GPC6: variants seen among roughly 807,000 people sequenced by gnomAD.
The protein encoded by GPC6 is glypican 6, also known as glypican-6.
GPC6 carries 14 observed loss-of-function variants against 55.2 expected under a neutral mutation model. That is an observed-to-expected ratio of 0.25 (90% confidence interval 0.17 to 0.40). GPC6 has a LOEUF of 0.40. Ranked by LOEUF, GPC6 falls within the 10% of genes least tolerant of loss-of-function variation. The probability of loss-of-function intolerance (pLI) is 1.00; values close to 1 mark genes in which losing one functional copy is unlikely to be tolerated. For missense variants in GPC6, 641 were observed against 708.5 expected (o/e 0.90, Z 1.08); for synonymous variants, 278 against 259.6 (o/e 1.07, Z -0.68).
chr13:93,977,789 A>T (rs748721443), intron 3 of GPC6, among the ~76,000 whole-genome samples: 4 of 152,098 alleles, frequency 2.6e-5, no homozygotes, highest in Non-Finnish European at 5.9e-5. Flanking sequence ...TGACTTGTAG[A>T]CAATTCCCTG....
chr13:93,548,215 G>T (rs184554669), intron 2 of GPC6, among the ~76,000 whole-genome samples: 47 of 152,110 alleles, frequency 3.1e-4, no homozygotes, highest in Middle Eastern at 3.4e-3. Flanking sequence ...CTATTTTGAG[G>T]TTCTTCCTCT....
intron 6 of GPC6, among the ~76,000 whole-genome samples, chr13:94,353,976 TCTTTC>T (rs1325430288): frequency 6.6e-6 from 1 of 152,136 alleles, no homozygotes; most frequent in Non-Finnish European, 1.5e-5. Context: ...AAATATGCTT[TCTTTC>T]CTTTTTAATT....
intron 2 of GPC6, among the ~76,000 whole-genome samples, chr13:93,814,456 CTT>C (rs1055848126): frequency 6.6e-6 from 1 of 152,162 alleles, no homozygotes; most frequent in African/African-American, 2.4e-5. Flanking sequence ...TGATTTGTCT[CTT>C]GAGTACATTA....
chr13:93,886,740 G>A (rs550387401), intron 3 of GPC6, among the ~76,000 whole-genome samples: 1 of 144,530 alleles, frequency 6.9e-6, no homozygotes, highest in Admixed American at 7.2e-5. Context: ...GCCATTTTGA[G>A]CATCTGTCAT....
chr13:93,814,728 G>T (rs1179684236), intron 2 of GPC6, among the ~76,000 whole-genome samples: 1 of 152,180 alleles, frequency 6.6e-6, no homozygotes, highest in Admixed American at 6.5e-5. Context: ...AAACCTATTT[G>T]AATTTTATTA....
chr13:94,327,806 A>G (rs954514405), intron 6 of GPC6, among the ~76,000 whole-genome samples: 1 of 152,214 alleles, frequency 6.6e-6, no homozygotes, highest in Non-Finnish European at 1.5e-5. Context: ...ATCTAAGTGC[A>G]AAGAGTTTCA....
At chr13:94,057,071 T>G (rs942853224) in intron 4 of GPC6, among the ~76,000 whole-genome samples, 12 of 152,254 alleles carry the variant, frequency 7.9e-5, no homozygotes, top group African/African-American at 2.7e-4. Context: ...TTTTAAAATC[T>G]ATTCCCTTTT....
intron 1 of GPC6, among the ~76,000 whole-genome samples, chr13:93,236,217 A>G (rs919823516): frequency 1.2e-4 from 18 of 152,114 alleles, no homozygotes; most frequent in African/African-American, 4.1e-4. Context: ...AATCTTCATT[A>G]TCCTTTTTTT....
intron 2 of GPC6, among the ~76,000 whole-genome samples, chr13:93,708,916 A>G (rs1882950067): frequency 6.6e-6 from 1 of 151,750 alleles, no homozygotes; most frequent in Non-Finnish European, 1.5e-5. Context: ...ACATCTTCAA[A>G]GTTAAGCAAA....
At chr13:93,578,563 T>G (rs937508733) in intron 2 of GPC6, among the ~76,000 whole-genome samples, 2 of 151,874 alleles carry the variant, frequency 1.3e-5, no homozygotes, top group Non-Finnish European at 2.9e-5. Context: ...ATTTTTTATT[T>G]TATTTGGGTC....
chr13:93,512,514 C>T (rs1881020424), intron 1 of GPC6, among the ~76,000 whole-genome samples: 1 of 152,116 alleles, frequency 6.6e-6, no homozygotes, highest in Non-Finnish European at 1.5e-5. Context: ...ATAAATCCTA[C>T]TTGATCATGG....
chr13:93,995,414 C>T (rs1305136990), intron 3 of GPC6, among the ~76,000 whole-genome samples: 1 of 152,036 alleles, frequency 6.6e-6, no homozygotes, highest in Non-Finnish European at 1.5e-5. Context: ...TCTCGATCTC[C>T]TAACCTCAAG....
intron 1 of GPC6, among the ~76,000 whole-genome samples, chr13:93,295,216 G>A (rs1878447370): frequency 7.1e-6 from 1 of 140,018 alleles, no homozygotes; most frequent in African/African-American, 2.7e-5. Context: ...CCTGAGTCAA[G>A]AGAGGTTGAG....
intron 4 of GPC6, among the ~76,000 whole-genome samples, chr13:94,095,220 A>C (rs1218771376): frequency 1.3e-5 from 2 of 152,158 alleles, no homozygotes; most frequent in South Asian, 2.1e-4. Context: ...TGAGTTTTTA[A>C]AATTTTGCTA....
At chr13:93,419,960 T>C (rs555935959) in intron 1 of GPC6, among the ~76,000 whole-genome samples, 2 of 152,174 alleles carry the variant, frequency 1.3e-5, no homozygotes, top group African/African-American at 4.8e-5. Context: ...GATTAATTGT[T>C]TAATTACAGC....
At chr13:94,255,746 A>G (rs953383085) in intron 4 of GPC6, among the ~76,000 whole-genome samples, 11 of 152,174 alleles carry the variant, frequency 7.2e-5, no homozygotes, top group Non-Finnish European at 1.5e-4. Flanking sequence ...AGGGCTCTAC[A>G]GCCTCGGAAG....
chr13:94,252,616 C>A (rs959576701), intron 4 of GPC6, among the ~76,000 whole-genome samples: 1 of 151,994 alleles, frequency 6.6e-6, no homozygotes, highest in African/African-American at 2.4e-5. Context: ...CCACCACCAA[C>A]AACAACAAAA....
rs1881292741 is a variant in GPC6, at chr13:94,404,614, G to T, written c.*1397G>T. 6.6e-6 allele frequency: 1 copy of T among 152,214 alleles called. No individual in the cohort carries two copies. The highest frequency in any genetic ancestry group is 1.5e-5 in the Non-Finnish European group (1 of 68,038). 9.4% of individuals were successfully genotyped at this position (152,214 alleles called of 1,614,324 possible). A position where few individuals can be genotyped will look rare whatever the true frequency, so the allele number is the denominator to read the frequency against. On this transcript the variant is annotated 3_prime_UTR_variant, in exon 9 of 9. Coordinates refer to ENST00000377047, the MANE Select transcript of GPC6 (RefSeq NM_005708.5). The stretch of plus-strand genomic sequence containing the variant: ...CACCCTTCTGCATGAGTGTGCTTCA[G>T]CCTGGGTGCTCCAGACTACACCAAA...
chr13:93,569,182 C>A (rs557507976), intron 2 of GPC6, among the ~76,000 whole-genome samples: 11 of 152,054 alleles, frequency 7.2e-5, no homozygotes, highest in Non-Finnish European at 1.5e-4. Context: ...ATATAATAGT[C>A]TTTATTCCTG....
Sources: gnomAD v4.1 joint callset for allele counts (sites outside exome capture counted in the v4.1 genomes callset) on GRCh38, gnomAD v4.1.1 for gene constraint, MANE v1.5 for transcripts, NCBI Gene and HGNC (gene_info 2026-07-23, HGNC 2026-07-21) for gene names.